The following CSMD1 variants were observed in gnomAD, a reference collection of about 807,000 sequenced individuals.
CSMD1 encodes CUB and sushi domain-containing protein 1.
CSMD1 carries 213 observed loss-of-function variants against 417.5 expected under a neutral mutation model. The ratio of observed to expected loss-of-function variants is 0.51; its 90% confidence interval spans 0.46 to 0.57. CSMD1 has a LOEUF of 0.57. Ranked by LOEUF, CSMD1 falls within the 20% of genes least tolerant of loss-of-function variation. The pLI is 0.00. For missense variants in CSMD1, 6,923 were observed against 4,529.7 expected, an observed-to-expected ratio of 1.53 and a Z score of -15.17; for synonymous variants, 2,862 against 1,736.8, an observed-to-expected ratio of 1.65 and a Z score of -16.11.
In CSMD1 at chr8:4,423,633, A is replaced by C. The variant is rs2115961; in HGVS notation, c.303-3568T>G. Reference sequence around the variant, plus strand: ...TAATGTAAAGATATAGGTTACTTCCAAACTGATACACAGGTTTTACACAAT... The same window carrying C: ...TAATGTAAAGATATAGGTTACTTCCCAACTGATACACAGGTTTTACACAAT... On this transcript the variant is annotated intron_variant, in intron 2 of 69. Transcript: ENST00000635120. Among the ~76,000 whole-genome samples the C allele has an allele frequency of 5.3e-5, 8 of 152,206 alleles. No individual in the cohort carries two copies. In the East Asian group the frequency reaches 9.7e-4, roughly 18 times the overall value.
intron 2 of CSMD1, among the ~76,000 whole-genome samples, chr8:4,559,526 G>C (rs1339392002): frequency 6.6e-6 from 1 of 152,138 alleles, no homozygotes; most frequent in Non-Finnish European, 1.5e-5. Context: ...TTCATATTAA[G>C]TTCTTGGAAA....
At chr8:3,806,752 G>C (rs1279199742) in intron 5 of CSMD1, among the ~76,000 whole-genome samples, 3 of 152,144 alleles carry the variant, frequency 2.0e-5, no homozygotes, top group Admixed American at 2.0e-4. Context: ...TAACAATGAA[G>C]ACAAGTAATG....
At chr8:4,473,273 C>T (rs959019793) in intron 2 of CSMD1, among the ~76,000 whole-genome samples, 3 of 152,062 alleles carry the variant, frequency 2.0e-5, no homozygotes, top group South Asian at 2.1e-4. Context: ...GTTACATTTT[C>T]GGATTTAGAA....
intron 5 of CSMD1, among the ~76,000 whole-genome samples, chr8:3,787,806 T>C (rs151203563): frequency 1.5e-3 from 222 of 152,324 alleles, no homozygotes; most frequent in African/African-American, 4.9e-3. Context: ...GTACTTTAAA[T>C]GTGCTGGAAT....
intron 10 of CSMD1, among the ~76,000 whole-genome samples, chr8:3,563,802 T>C (rs1300081230): frequency 2.6e-5 from 4 of 152,032 alleles, no homozygotes; most frequent in African/African-American, 9.7e-5. Context: ...AGGGGGAGAA[T>C]TTCTTGATCT....
At position 3,162,162 on chromosome 8, in the gene CSMD1, C is replaced by G. The variant is rs1298666067; in HGVS notation, c.5841G>C (p.Leu1947=). The change falls in exon 38 of 70, where the codon CTG becomes CTC. Residue 1947 remains leucine, a synonymous_variant. Coordinates refer to ENST00000635120, the MANE Select transcript of CSMD1 (RefSeq NM_033225.6). The part of the protein sequence containing the change: ...LSFQCEPGYT[L]QGRSHISCMP... ...TGAGCACTGAGAAGAAGGATACCTG[C>G]AGGGTGTACCCGGGCTCGCACTGGA... 1.3e-6 allele frequency: 2 copies of G among 1,593,794 alleles called. No individual in the cohort carries two copies. Among genetic ancestry groups the G allele is most frequent in the Non-Finnish European group, 1.7e-6 (2 of 1,166,546 alleles).
chr8:4,737,461 C>G (rs1018238532), intron 1 of CSMD1, among the ~76,000 whole-genome samples: 1 of 152,008 alleles, frequency 6.6e-6, no homozygotes, highest in South Asian at 2.1e-4. Context: ...ACCTGTTTAA[C>G]AAACCTGCAC....
chr8:3,237,164 T>G (rs144482001), intron 26 of CSMD1, among the ~76,000 whole-genome samples: 3 of 151,684 alleles, frequency 2.0e-5, no homozygotes, highest in Non-Finnish European at 4.4e-5. Flanking sequence ...GAGAGATATA[T>G]ATATAGTCTC....
intron 3 of CSMD1, among the ~76,000 whole-genome samples, chr8:4,065,997 C>G (rs1249286180): frequency 6.6e-6 from 1 of 152,130 alleles, no homozygotes; most frequent in East Asian, 1.9e-4. Flanking sequence ...GGGAAGGAGA[C>G]CCTTCTCCAC....
chr8:4,838,097 G>C (rs1585189460), intron 1 of CSMD1, among the ~76,000 whole-genome samples: 1 of 152,136 alleles, frequency 6.6e-6, no homozygotes, highest in African/African-American at 2.4e-5. Flanking sequence ...ATAAAAATTA[G>C]TGAGAATAAA....
chr8:3,802,657 C>A (rs1411321601), intron 5 of CSMD1, among the ~76,000 whole-genome samples: 1 of 152,120 alleles, frequency 6.6e-6, no homozygotes, highest in East Asian at 1.9e-4. Context: ...GAGCTTGTCA[C>A]TTTACTTCTC....
intron 1 of CSMD1, among the ~76,000 whole-genome samples, chr8:4,905,626 T>A (rs551323804): frequency 2.0e-5 from 3 of 151,724 alleles, no homozygotes; most frequent in Non-Finnish European, 2.9e-5. Flanking sequence ...GAGGCCATCC[T>A]GGCTAACACG....
intron 5 of CSMD1, among the ~76,000 whole-genome samples, chr8:3,844,718 C>G (rs576888888): frequency 1.3e-5 from 2 of 152,116 alleles, no homozygotes; most frequent in Non-Finnish European, 2.9e-5. Context: ...TTCTGATAAA[C>G]TGAAATACAG....
chr8:3,553,472 T>G (rs1026540639), intron 10 of CSMD1, among the ~76,000 whole-genome samples: 2 of 152,198 alleles, frequency 1.3e-5, no homozygotes, highest in Non-Finnish European at 2.9e-5. Context: ...GAAAAAAATT[T>G]GAAGAAGATA....
At chr8:3,728,349 C>T (rs1202881506) in intron 6 of CSMD1, among the ~76,000 whole-genome samples, 1 of 152,116 alleles carries the variant, frequency 6.6e-6, no homozygotes, top group Non-Finnish European at 1.5e-5. Context: ...AACTGGGAGT[C>T]CATTAAACCT....
At chr8:4,499,955 A>G (rs1378776190) in intron 2 of CSMD1, among the ~76,000 whole-genome samples, 1 of 152,178 alleles carries the variant, frequency 6.6e-6, no homozygotes, top group Non-Finnish European at 1.5e-5. Flanking sequence ...TATGCATGGA[A>G]AGAAAAAAAG....
chr8:4,005,361 G>T (rs755239035), intron 4 of CSMD1, among the ~76,000 whole-genome samples: 1 of 152,148 alleles, frequency 6.6e-6, no homozygotes, highest in Non-Finnish European at 1.5e-5. Context: ...ATGCAGGGGC[G>T]GGTCCGGCTC....
chr8:4,850,916 T>C (rs12541562), intron 1 of CSMD1, among the ~76,000 whole-genome samples: 30,287 of 128,828 alleles, frequency 0.24, 3,928 homozygotes, highest in Non-Finnish European at 0.32. Flanking sequence ...GCCCCCCCAC[T>C]TTTTGTGGTT....
At chr8:4,008,525 T>C (rs1816303714) in intron 4 of CSMD1, among the ~76,000 whole-genome samples, 1 of 151,412 alleles carries the variant, frequency 6.6e-6, no homozygotes, top group South Asian at 2.1e-4. Context: ...GAAGTTATTG[T>C]TGAAAGTTAC....
Sources: allele counts gnomAD v4.1 joint callset (sites outside exome capture counted in the v4.1 genomes callset), GRCh38; gene constraint gnomAD v4.1.1; transcripts MANE v1.5; gene names NCBI Gene and HGNC (gene_info 2026-07-23, HGNC 2026-07-21).